Variants in TENM1 observed in about 807,000 individuals in gnomAD.
TENM1 encodes teneurin-1.
TENM1 carries 35 observed loss-of-function variants against 174.8 expected under a neutral mutation model. The ratio of observed to expected loss-of-function variants is 0.20; its 90% CI spans 0.15 to 0.27. The LOEUF (loss-of-function observed/expected upper bound fraction) is 0.27. TENM1 is among the 10% of genes least tolerant of loss of function. The probability of loss-of-function intolerance (pLI) is 1.00; values close to 1 mark genes in which losing one functional copy is unlikely to be tolerated. For synonymous variants in TENM1, 781 were observed against 798.7 expected, an observed-to-expected ratio of 0.98 and a Z score of 0.37; for missense variants, 1,633 against 2,130.1, an observed-to-expected ratio of 0.77 and a Z score of 4.59.
intron 1 of TENM1, among the ~76,000 whole-genome samples, chrX:124,960,245 T>C (rs1271625850): frequency 8.9e-6 from 1 of 111,938 alleles, no homozygotes; most frequent in Non-Finnish European, 1.9e-5. Context: ...GCTTATCTGC[T>C]CTCTAGGAAT....
the TENM1 span, among the ~76,000 whole-genome samples, chrX:125,027,611 C>CTTTTTTTTTTTTT: frequency 8.1e-4 from 67 of 83,025 alleles, no homozygotes; most frequent in Non-Finnish European, 1.0e-3. Flanking sequence ...TTTTCTTTTT[C>CTTTTTTTTTTTTT]TTTTTTTTTT....
chrX:124,768,701 T>G (rs1200350996), intron 3 of TENM1, among the ~76,000 whole-genome samples: 3 of 112,523 alleles, frequency 2.7e-5, no homozygotes, highest in Non-Finnish European at 3.8e-5. Flanking sequence ...GGCAATCTAA[T>G]TCTTTGGCTT....
At chrX:125,195,532 A>G in the TENM1 span, among the ~76,000 whole-genome samples, 1 of 112,146 alleles carries the variant, frequency 8.9e-6, no homozygotes, top group Admixed American at 9.5e-5. Context: ...TATCTCAAAT[A>G]GTGAAAAGAA....
chrX:124,432,699 T>G (rs1396333919), intron 23 of TENM1, among the ~76,000 whole-genome samples: 1 of 112,427 alleles, frequency 8.9e-6, no homozygotes, highest in Non-Finnish European at 1.9e-5. Flanking sequence ...GTGCTAGGAT[T>G]ACAGGCATGA....
chrX:125,197,416 T>A, the TENM1 span, among the ~76,000 whole-genome samples: 1 of 111,487 alleles, frequency 9.0e-6, no homozygotes, highest in Non-Finnish European at 1.9e-5. Flanking sequence ...CCATAAAAAC[T>A]GAGGATTTGA....
chrX:124,611,441 C>A (rs1334394656), intron 11 of TENM1, among the ~76,000 whole-genome samples: 1 of 111,440 alleles, frequency 9.0e-6, no homozygotes, highest in African/African-American at 3.3e-5. Context: ...CAGAACCCCA[C>A]TATATAAAAT....
chrX:124,799,763 T>A (rs2055397555), intron 3 of TENM1, among the ~76,000 whole-genome samples: 1 of 111,671 alleles, frequency 9.0e-6, no homozygotes, highest in Admixed American at 9.5e-5. Context: ...CTTATAATTT[T>A]GAGATATGTT....
chrX:124,961,393 G>A (rs1199416159), intron 1 of TENM1, among the ~76,000 whole-genome samples: 2 of 111,781 alleles, frequency 1.8e-5, no homozygotes, highest in Admixed American at 9.5e-5. Flanking sequence ...TGCAATCCCA[G>A]CACTTTGGGA....
chrX:124,522,053 G>A (rs779434318), intron 17 of TENM1, among the ~76,000 whole-genome samples: 4 of 111,838 alleles, frequency 3.6e-5, no homozygotes, highest in Admixed American at 2.8e-4. Context: ...GGAAACTTTC[G>A]TGCTGAAAGA....
At chrX:124,640,654 T>C (rs1172176848) in intron 11 of TENM1, among the ~76,000 whole-genome samples, 1 of 111,712 alleles carries the variant, frequency 9.0e-6, no homozygotes, top group Non-Finnish European at 1.9e-5. Flanking sequence ...TTTAGCAATG[T>C]GCATGGTAAG....
At chrX:124,611,045 G>A (rs777826383) in intron 11 of TENM1, among the ~76,000 whole-genome samples, 1 of 110,936 alleles carries the variant, frequency 9.0e-6, no homozygotes, top group Non-Finnish European at 1.9e-5. Context: ...AGTCAGTATA[G>A]GTTAGATTAG....
At chrX:124,412,468 A>C (rs768283346) in intron 25 of TENM1, among the ~76,000 whole-genome samples, 8 of 112,411 alleles carry the variant, frequency 7.1e-5, no homozygotes, top group Non-Finnish European at 1.3e-4. Context: ...GTTCAAGATA[A>C]AACTAGAGGC....
At chrX:124,649,018 A>G (rs16994774) in intron 8 of TENM1, among the ~76,000 whole-genome samples, 242 of 111,985 alleles carry the variant, frequency 2.2e-3, no homozygotes, top group African/African-American at 7.4e-3. Context: ...CTGGGTATCA[A>G]AGAGACATTG....
At chrX:124,635,401 C>A (rs2050856475) in intron 11 of TENM1, among the ~76,000 whole-genome samples, 1 of 111,999 alleles carries the variant, frequency 8.9e-6, no homozygotes, top group Non-Finnish European at 1.9e-5. Flanking sequence ...TTAGAAGGGG[C>A]ACATCATGAT....
intron 28 of TENM1, among the ~76,000 whole-genome samples, chrX:124,388,567 T>C (rs1472338886): frequency 8.9e-6 from 1 of 112,630 alleles, no homozygotes; most frequent in Non-Finnish European, 1.9e-5. Context: ...ACAATGCTGT[T>C]ATAGGATAAA....
At chrX:124,378,474 A>G (rs760400546) in exon 32 of TENM1, 1 of 112,239 alleles carries the variant, frequency 8.9e-6, no homozygotes, top group African/African-American at 3.2e-5. Context: ...CAAATTTTCA[A>G]CAAGTTTGTT....
At chrX:124,612,234 T>C (rs745535733) in intron 11 of TENM1, among the ~76,000 whole-genome samples, 2 of 111,102 alleles carry the variant, frequency 1.8e-5, no homozygotes, top group African/African-American at 6.5e-5. Flanking sequence ...TGTACATGCA[T>C]ACATATGTGT....
At chrX:124,560,107 T>C (rs1018201399) in intron 14 of TENM1, among the ~76,000 whole-genome samples, 2 of 110,139 alleles carry the variant, frequency 1.8e-5, no homozygotes, top group Non-Finnish European at 3.8e-5. Context: ...ATCATTAGAT[T>C]GAAAACTTCA....
chrX:124,642,653 C>T (rs758904613), intron 10 of TENM1, among the ~76,000 whole-genome samples: 2 of 111,783 alleles, frequency 1.8e-5, no homozygotes, highest in African/African-American at 6.5e-5. Context: ...TATCACAGAT[C>T]CAATTCCATT....
Sources: allele counts gnomAD v4.1 joint callset (sites outside exome capture counted in the v4.1 genomes callset), GRCh38; gene constraint gnomAD v4.1.1; transcripts MANE v1.5; gene names NCBI Gene and HGNC (gene_info 2026-07-23, HGNC 2026-07-21).